Variants in WDR20 observed in about 807,000 individuals in gnomAD.
WDR20 encodes WD repeat-containing protein 20.
WDR20 carries 3 observed loss-of-function variants against 38.7 expected under a neutral mutation model. The ratio of observed to expected loss-of-function variants is 0.08; its 90% CI spans 0.04 to 0.20. The LOEUF is 0.20. Among genes scored for constraint, WDR20 ranks in the 10% least tolerant of loss-of-function variants. WDR20 has a pLI of 1.00. For synonymous variants in WDR20, 298 were observed against 285.6 expected, an observed-to-expected ratio of 1.04 and a Z score of -0.44; for missense variants, 559 against 727.7, an observed-to-expected ratio of 0.77 and a Z score of 2.67.
intron 1 of WDR20, among the ~76,000 whole-genome samples, chr14:102,158,411 C>T (rs943175689): frequency 2.6e-5 from 4 of 152,134 alleles, no homozygotes; most frequent in African/African-American, 4.8e-5. Flanking sequence ...GATTCCCCTG[C>T]CTCAGCCTCC....
chr14:102,224,571 A>C, downstream of WDR20: 1 of 456,082 alleles, frequency 2.2e-6, no homozygotes, highest in Non-Finnish European at 4.4e-6. Flanking sequence ...AATTCATCAC[A>C]TTAAATTGGG....
chr14:102,152,540 G>A (rs530284432), intron 1 of WDR20, among the ~76,000 whole-genome samples: 52 of 151,280 alleles, frequency 3.4e-4, no homozygotes, highest in Admixed American at 3.3e-4. Context: ...TCAGACTCCC[G>A]AGTAGCTGGG....
chr14:102,213,909 C>T (rs1294515537), downstream of WDR20: 7 of 985,304 alleles, frequency 7.1e-6, no homozygotes, highest in African/African-American at 1.7e-5. Flanking sequence ...TGACTGCCCA[C>T]GGAAGAACTA....
chr14:102,162,625 C>G (rs567840407), intron 1 of WDR20, among the ~76,000 whole-genome samples: 1 of 152,024 alleles, frequency 6.6e-6, no homozygotes, highest in Non-Finnish European at 1.5e-5. Flanking sequence ...CTCTCACGCT[C>G]TCTCGCCCTC....
chr14:102,209,051 G>A lies in WDR20; in HGVS notation c.881G>A (p.Cys294Tyr), dbSNP rs758066025. Reference sequence around the variant, plus strand: ...GTGACAGTCTGGTCCTTTGTAGACTGCCGAGTAATAGCCAGAGGCCACGGG... The same window carrying A: ...GTGACAGTCTGGTCCTTTGTAGACTACCGAGTAATAGCCAGAGGCCACGGG... ...DLVTVWSFVD[C>Y]RVIARGHGHK... The change falls in exon 3 of 3, where the codon TGC (cysteine) becomes TAC (tyrosine). Residue 294 changes from cysteine (C) to tyrosine (Y), a missense_variant. Cys to Tyr is a radical substitution (Grantham distance 194, BLOSUM62 -2). Transcript: ENST00000342702. The surrounding 1 kb of genome is among the most constrained non-coding windows in gnomAD (Gnocchi z 6.0). 2.5e-6 allele frequency: 4 copies of A among 1,614,192 alleles called. No homozygotes were observed. The Admixed American group carries it at 6.7e-5, about 27-fold the overall frequency.
chr14:102,204,639 A>AC (rs2061172511), intron 2 of WDR20, among the ~76,000 whole-genome samples: 1 of 152,194 alleles, frequency 6.6e-6, no homozygotes, highest in Non-Finnish European at 1.5e-5. Context: ...TAATATGGCG[A>AC]CAATCCCTGC....
intron 1 of WDR20, among the ~76,000 whole-genome samples, chr14:102,186,509 G>T (rs780601921): frequency 6.6e-6 from 1 of 152,070 alleles, no homozygotes; most frequent in Non-Finnish European, 1.5e-5. Flanking sequence ...ATTGGCCAAG[G>T]TCTCTTTTCA....
chr14:102,216,619 C>G (rs2063247490), downstream of WDR20, among the ~76,000 whole-genome samples: 1 of 151,982 alleles, frequency 6.6e-6, no homozygotes, highest in Admixed American at 6.6e-5. Flanking sequence ...TAGTTTGTAC[C>G]TTCAAAAAAA....
At chr14:102,202,146 G>GC (rs2060512286) in intron 2 of WDR20, among the ~76,000 whole-genome samples, 1 of 151,100 alleles carries the variant, frequency 6.6e-6, no homozygotes, top group South Asian at 2.1e-4. Context: ...CACCTTCTCT[G>GC]CCCCCACCCT....
chr14:102,148,972 T>C (rs2054723254), intron 1 of WDR20, among the ~76,000 whole-genome samples: 1 of 152,110 alleles, frequency 6.6e-6, no homozygotes, highest in Admixed American at 6.6e-5. Flanking sequence ...CCGTCCTGGC[T>C]AACACAGCGA....
rs66808900 is a variant in WDR20 at position 102,207,241 on chromosome 14, C to A, written c.433-1362C>A. ...GTGTGGCGTTCAGGCCTCCGTTCTT[C>A]CTGCCTGGGGTCCTTTGTTAGCAGC... On this transcript the variant is annotated intron_variant, in intron 2 of 2. Transcript: ENST00000342702. The surrounding 1 kb of genome is among the most constrained non-coding windows in gnomAD (Gnocchi z 5.0). Among the ~76,000 whole-genome samples, 9,577 of 152,344 alleles carry A rather than the reference C, an allele frequency of 0.063. 333 individuals are homozygous for A. Among genetic ancestry groups the A allele is most frequent in the Non-Finnish European group, 0.071 (4,845 of 68,036 alleles).
At chr14:102,210,620 C>T (rs982467934), downstream of WDR20, 6 of 849,648 alleles carry the variant, frequency 7.1e-6, no homozygotes, top group East Asian at 2.4e-4. Context: ...GGGCCGAGGA[C>T]GCCAACAGCA....
chr14:102,213,110 C>T (rs2062765120), downstream of WDR20: 1 of 986,328 alleles, frequency 1.0e-6, no homozygotes. Flanking sequence ...ACTCGCCCTC[C>T]TTGGGTTGGC....
At chr14:102,177,741 T>A (rs1028500006) in intron 1 of WDR20, among the ~76,000 whole-genome samples, 1 of 152,186 alleles carries the variant, frequency 6.6e-6, no homozygotes, top group African/African-American at 2.4e-5. Flanking sequence ...TCCGCAGTTA[T>A]CTATTCATGC....
chr14:102,165,916 C>T (rs774057512), intron 1 of WDR20, among the ~76,000 whole-genome samples: 2 of 151,880 alleles, frequency 1.3e-5, no homozygotes, highest in East Asian at 1.9e-4. Context: ...CTGGGATTAC[C>T]GGCATGAGCC....
chr14:102,193,394 T>C (rs1174496315), intron 1 of WDR20: 1 of 1,533,396 alleles, frequency 6.5e-7, no homozygotes, highest in South Asian at 1.1e-5. Flanking sequence ...CCCTTTTGTT[T>C]TGTATCATGC....
At position 102,209,681 on chromosome 14, in the gene WDR20, A is replaced by T; in HGVS notation, c.1511A>T (p.Asp504Val). The change falls in exon 3 of 3, where the codon GAC becomes GTC. Residue 504 changes from aspartate (D) to valine (V), a missense_variant. Physicochemically the swap from Asp to Val is radical, Grantham distance 152. Coordinates refer to ENST00000342702, the MANE Select transcript of WDR20 (RefSeq NM_144574.4). This position sits in a 1 kb window ranked among gnomAD's most constrained non-coding sequence, Gnocchi z 6.0. Reference sequence around the variant, plus strand: ...AATCTAGTTACCAAAACCAAAACGGACCCTGCTAAAACTCTGGGAACGCCC... The same window carrying T: ...AATCTAGTTACCAAAACCAAAACGGTCCCTGCTAAAACTCTGGGAACGCCC... Reference protein sequence around the residue: ...KLNLVTKTKTDPAKTLGTPLC... With the variant: ...KLNLVTKTKTVPAKTLGTPLC... 2 of 1,614,106 alleles carry T rather than the reference A, an allele frequency of 1.2e-6. No homozygotes were observed. The highest frequency in any genetic ancestry group is 1.7e-6 in the Non-Finnish European group (2 of 1,180,022).
intron 2 of WDR20, among the ~76,000 whole-genome samples, chr14:102,204,059 G>C (rs777909971): frequency 2.6e-5 from 4 of 152,202 alleles, no homozygotes; most frequent in Non-Finnish European, 5.9e-5. Flanking sequence ...TGGGGTCTGA[G>C]ACAGGCTGGT....
chr14:102,194,023 A>G (rs1392955658), intron 1 of WDR20, among the ~76,000 whole-genome samples: 1 of 152,246 alleles, frequency 6.6e-6, no homozygotes, highest in Non-Finnish European at 1.5e-5. Context: ...CACCCAAGTG[A>G]GAAATCATTT....
Sources: gnomAD v4.1 joint callset for allele counts (sites outside exome capture counted in the v4.1 genomes callset) on GRCh38, gnomAD v4.1.1 for gene constraint, Gnocchi (gnomAD v3.1) non-coding constraint, MANE v1.5 for transcripts, NCBI Gene and HGNC (gene_info 2026-07-23, HGNC 2026-07-21) for gene names.